Variants in RASEF observed in about 807,000 individuals in gnomAD.
RASEF encodes the protein RAS and EF-hand domain containing.
Under a neutral mutation model 90.1 loss-of-function variants are expected in RASEF, and 68 were observed. That is an observed-to-expected ratio of 0.75 (90% CI 0.62 to 0.92). RASEF has a LOEUF of 0.92. Ranked by LOEUF, RASEF falls within the 40% of genes least tolerant of loss-of-function variation. RASEF has a pLI of 0.00. For missense variants in RASEF, 949 were observed against 937.2 expected, an observed-to-expected ratio of 1.01 and a Z score of -0.16; for synonymous variants, 331 against 345.2, an observed-to-expected ratio of 0.96 and a Z score of 0.46.
intron 1 of RASEF, among the ~76,000 whole-genome samples, chr9:83,049,529 C>CTTTTTTTTTTTTTTTTTTTTTT (rs10687615): frequency 2.0e-5 from 2 of 99,084 alleles, no homozygotes; most frequent in African/African-American, 4.3e-5. Context: ...TTCTGCCTTC[C>CTTTTTTTTTTTTTTTTTTTTTT]TTTTTTTTTT....
chr9:83,094,608 C>T, the RASEF span, among the ~76,000 whole-genome samples: 2 of 151,992 alleles, frequency 1.3e-5, no homozygotes, highest in Non-Finnish European at 2.9e-5. Context: ...CTTTTAAAAG[C>T]CAGGCGTACA....
At chr9:83,209,352 G>A in the RASEF span, among the ~76,000 whole-genome samples, 1 of 152,244 alleles carries the variant, frequency 6.6e-6, no homozygotes. Context: ...TGGGATTGAG[G>A]AATGTCTGCT....
chr9:83,068,320 G>A, the RASEF span, among the ~76,000 whole-genome samples: 1 of 152,248 alleles, frequency 6.6e-6, no homozygotes, highest in African/African-American at 2.4e-5. Flanking sequence ...TGGTGTACAT[G>A]CTCTGCATGA....
At chr9:83,055,968 T>C (rs754413928) in intron 1 of RASEF, among the ~76,000 whole-genome samples, 12 of 152,136 alleles carry the variant, frequency 7.9e-5, no homozygotes, top group Non-Finnish European at 1.2e-4. Context: ...TCCTGAGTAT[T>C]TAAGAAGGTG....
chr9:82,988,552 G>A (rs1828754489), intron 16 of RASEF, among the ~76,000 whole-genome samples: 1 of 152,100 alleles, frequency 6.6e-6, no homozygotes, highest in Non-Finnish European at 1.5e-5. Context: ...GGGCCTCGTG[G>A]GAGGTATTGA....
the RASEF span, among the ~76,000 whole-genome samples, chr9:83,191,086 T>C: frequency 1.3e-5 from 2 of 152,160 alleles, no homozygotes. Context: ...AGAAAAGAAA[T>C]TTAGCACTTA....
the RASEF span, among the ~76,000 whole-genome samples, chr9:83,190,949 A>G: frequency 6.6e-6 from 1 of 152,220 alleles, no homozygotes; most frequent in Non-Finnish European, 1.5e-5. Context: ...AGGATTATTC[A>G]AAATTAAATA....
At chr9:83,001,813 A>G (rs942320642) in intron 9 of RASEF, among the ~76,000 whole-genome samples, 1 of 152,240 alleles carries the variant, frequency 6.6e-6, no homozygotes, top group Non-Finnish European at 1.5e-5. Context: ...AGCAATTAGA[A>G]ACATGACTGG....
At position 82,993,012 on chromosome 9, in the gene RASEF, T is replaced by C. The variant is rs1387472683; in HGVS notation, c.1934A>G (p.Glu645Gly). The C allele has an allele frequency of 1.2e-6, 2 of 1,613,630 alleles. No homozygotes were observed. Among genetic ancestry groups the C allele is most frequent in the Non-Finnish European group, 1.7e-6 (2 of 1,179,866 alleles). The change falls in exon 15 of 17, where the codon GAG (glutamate) becomes GGG (glycine). Residue 645 changes from glutamate (E) to glycine (G), a missense_variant. Physicochemically the swap from Glu to Gly is moderately conservative, Grantham distance 98. This residue lies in a region of RASEF where 288 missense variants were observed against 328.4 expected (regional missense o/e 0.88). Coordinates refer to ENST00000376447, the MANE Select transcript of RASEF (RefSeq NM_152573.4). Reference protein sequence around the residue: ...WVDMIEDAAHETVPIMLVGNK... With the variant: ...WVDMIEDAAHGTVPIMLVGNK... ...TCCTACCAGCATAATGGGAACAGTCTCATGGGCTGCATCCTACCAGGAAGA... is the reference window on the plus strand; with the variant it reads ...TCCTACCAGCATAATGGGAACAGTCCCATGGGCTGCATCCTACCAGGAAGA...
chr9:83,059,383 G>C (rs1266555388), intron 1 of RASEF, among the ~76,000 whole-genome samples: 1 of 147,656 alleles, frequency 6.8e-6, no homozygotes, highest in African/African-American at 2.5e-5. Flanking sequence ...AAAAAAGTGA[G>C]AGAACCTGCA....
the RASEF span, among the ~76,000 whole-genome samples, chr9:83,170,717 T>C: frequency 1.3e-5 from 2 of 151,928 alleles, no homozygotes; most frequent in African/African-American, 2.4e-5. Flanking sequence ...CTTTTTCGGA[T>C]AGTTCACTAT....
chr9:83,093,192 G>A, the RASEF span, among the ~76,000 whole-genome samples: 2 of 152,310 alleles, frequency 1.3e-5, no homozygotes, highest in African/African-American at 4.8e-5. Context: ...TAGACATAAA[G>A]GTTCTCCACC....
chr9:83,122,725 A>G, the RASEF span, among the ~76,000 whole-genome samples: 1 of 152,238 alleles, frequency 6.6e-6, no homozygotes, highest in Non-Finnish European at 1.5e-5. Context: ...TATCATCTCC[A>G]TTATGTTTCT....
chr9:83,216,745 T>A, the RASEF span, among the ~76,000 whole-genome samples: 1 of 152,092 alleles, frequency 6.6e-6, no homozygotes, highest in Non-Finnish European at 1.5e-5. Context: ...CACAAGCAAG[T>A]TAGTTAATTT....
chr9:83,000,466 T>A lies in RASEF; in HGVS notation c.1542A>T (p.Ser514=). ...AGAGTGCTGAGATGGGCTTTCTTGA[T>A]GAACTAACAATGCTGCCTTCACTAA... ...GSVSEGSIVS[S]SRKPISALSP... Residue 514 remains serine (S), a synonymous_variant, in exon 11 of 17, where the codon TCA becomes TCT. Coordinates refer to ENST00000376447, the MANE Select transcript of RASEF (RefSeq NM_152573.4). 2 of 1,614,118 alleles carry A rather than the reference T, an allele frequency of 1.2e-6. No homozygotes were observed. The highest frequency in any genetic ancestry group is 1.7e-6 in the Non-Finnish European group (2 of 1,179,990).
At chr9:83,159,208 T>C in the RASEF span, among the ~76,000 whole-genome samples, 21 of 151,286 alleles carry the variant, frequency 1.4e-4, no homozygotes, top group African/African-American at 4.9e-4. Context: ...AAAAAAGAAA[T>C]TTATATGCAA....
the RASEF span, among the ~76,000 whole-genome samples, chr9:83,184,058 G>A: frequency 6.6e-6 from 1 of 152,212 alleles, no homozygotes; most frequent in African/African-American, 2.4e-5. Context: ...TGGAGAACAG[G>A]AGTTGCCACA....
intron 7 of RASEF, among the ~76,000 whole-genome samples, chr9:83,006,339 A>G (rs1829130470): frequency 6.6e-6 from 1 of 152,090 alleles, no homozygotes; most frequent in Non-Finnish European, 1.5e-5. Context: ...GGGGAAAGAG[A>G]TTTTTCACCC....
chr9:83,100,020 A>G, the RASEF span, among the ~76,000 whole-genome samples: 1 of 152,226 alleles, frequency 6.6e-6, no homozygotes, highest in Non-Finnish European at 1.5e-5. Flanking sequence ...TTGTTAATTT[A>G]AGAGTTTTTC....
Sources: gnomAD v4.1 joint callset for allele counts (sites outside exome capture counted in the v4.1 genomes callset) on GRCh38, gnomAD v4.1.1 for gene constraint, gnomAD v4.1.1 regional missense constraint, MANE v1.5 for transcripts, NCBI Gene and HGNC (gene_info 2026-07-23, HGNC 2026-07-21) for gene names.